RNF20: variants seen among roughly 807,000 people sequenced by gnomAD.
The protein encoded by RNF20 is E3 ubiquitin-protein ligase BRE1A.
A neutral mutation model predicts 126.2 loss-of-function variants in RNF20; 84 were observed. That is an observed-to-expected ratio of 0.67 (90% CI 0.56 to 0.80). The LOEUF (loss-of-function observed/expected upper bound fraction) is 0.80, where lower values mean the gene tolerates loss of function less well. Ranked by LOEUF, RNF20 falls within the 30% of genes least tolerant of loss-of-function variation. RNF20 has a pLI of 0.00. For synonymous variants in RNF20, 400 were observed against 414.3 expected, an observed-to-expected ratio of 0.97 and a Z score of 0.42; for missense variants, 869 against 1,188.2, an observed-to-expected ratio of 0.73 and a Z score of 3.95.
At chr9:101,534,793 T>C (rs1411782154) in intron 1 of RNF20, among the ~76,000 whole-genome samples, 2 of 152,190 alleles carry the variant, frequency 1.3e-5, no homozygotes, top group East Asian at 3.9e-4. Flanking sequence ...GGAAGAGAGA[T>C]TCCAGAACTT....
At chr9:101,540,738 G>A in intron 4 of RNF20, 55 bp from the exon 5 acceptor site, 1 of 1,592,208 alleles carries the variant, frequency 6.3e-7, no homozygotes, top group South Asian at 1.1e-5. Flanking sequence ...AATGGATTTT[G>A]TTATTTCCAG....
At chr9:101,561,808 G>T in intron 18 of RNF20, 102 bp from the exon 19 acceptor site, 1 of 808,276 alleles carries the variant, frequency 1.2e-6, no homozygotes, top group South Asian at 1.4e-5. Flanking sequence ...TAAAAGGATA[G>T]AAAGTCCCCT....
At chr9:101,551,617 A>G (rs1827446498) in intron 10 of RNF20, 67 bp from the exon 11 acceptor site, 2 of 1,386,366 alleles carry the variant, frequency 1.4e-6, no homozygotes, top group Non-Finnish European at 1.9e-6. Context: ...AGAGTAATCC[A>G]TAGAATATGA....
chr9:101,544,704 C>T, intron 5 of RNF20, 63 bp from the exon 6 acceptor site: 1 of 1,041,074 alleles, frequency 9.6e-7, no homozygotes, highest in Non-Finnish European at 1.5e-6. Flanking sequence ...AAGACTCCGT[C>T]TTAAAAAAAA....
intron 10 of RNF20, among the ~76,000 whole-genome samples, chr9:101,551,199 G>C (rs1827438857): frequency 6.6e-6 from 1 of 152,204 alleles, no homozygotes. Flanking sequence ...AAAGGTATGA[G>C]AGAGCATGAG....
At position 101,543,481 on chromosome 9, in the gene RNF20, C is replaced by T. The variant is rs541494750; in HGVS notation, c.629-1286C>T. Reference sequence around the variant, plus strand: ...ACCTGCCAAGGCAGCACTGTCTAACCCTGCCAGGGTGGCACTGTCTAACCC... The same window carrying T: ...ACCTGCCAAGGCAGCACTGTCTAACTCTGCCAGGGTGGCACTGTCTAACCC... On this transcript the variant is annotated intron_variant, in intron 5 of 19. Transcript: ENST00000389120. Among the ~76,000 whole-genome samples the T allele has an allele frequency of 8.8e-5, 12 of 135,834 alleles. No homozygotes were observed. The East Asian group carries it at 2.4e-3, about 28-fold the overall frequency. The allele number at this position is 135,834 out of a possible 152,430, so 89.1% of individuals were successfully genotyped here. A position where few individuals can be genotyped will look rare whatever the true frequency, so the allele number is the denominator to read the frequency against.
intron 15 of RNF20, among the ~76,000 whole-genome samples, chr9:101,556,061 T>C (rs1827527090): frequency 2.0e-5 from 3 of 152,124 alleles, no homozygotes; most frequent in African/African-American, 4.8e-5. Flanking sequence ...ATTATACTAT[T>C]ATAGGTTCTA....
Position 101,540,907 on chromosome 9 carries a change from A to G in RNF20, c.560A>G (p.Gln187Arg). The G allele has an allele frequency of 2.5e-6, 4 of 1,614,042 alleles. No individual in the cohort carries two copies. The highest frequency in any genetic ancestry group is 3.4e-6 in the Non-Finnish European group (4 of 1,180,004). ...RVESSRRAVS[Q>R]IVTVYDKLQE... ...GAGTCTTCCCGCCGAGCCGTGTCCC[A>G]GATTGTGACTGTTTATGATAAATTG... The change falls in exon 5 of 20, where the codon CAG (glutamine) becomes CGG (arginine). Residue 187 changes from glutamine to arginine, a missense_variant. Gln to Arg is a conservative substitution (Grantham distance 43, BLOSUM62 1). Around this residue, in one of 8 missense-constraint regions of RNF20, gnomAD observed 157 missense variants for 236.0 expected, o/e 0.67. Transcript: ENST00000389120.
intron 6 of RNF20, among the ~76,000 whole-genome samples, chr9:101,546,033 G>A (rs1283593039): frequency 6.6e-6 from 1 of 152,136 alleles, no homozygotes; most frequent in Non-Finnish European, 1.5e-5. Context: ...AAGATCACCA[G>A]GTAGAACCTT....
In RNF20 at chr9:101,561,191, T is replaced by C. The variant is rs748842740; in HGVS notation, c.2610T>C (p.Val870=). The change falls in exon 18 of 20, where the codon GTT becomes GTC. Residue 870 remains valine, a synonymous_variant. Transcript: ENST00000389120. Reference sequence around the variant, plus strand: ...AGGATGAGATCGTGGAGAACAGTGTTACCAAAGAAAAGGACATGTTCAATT... The same window carrying C: ...AGGATGAGATCGTGGAGAACAGTGTCACCAAAGAAAAGGACATGTTCAATT... The part of the protein sequence containing the change: ...DFQDEIVENS[V]TKEKDMFNFK... The C allele has an allele frequency of 3.7e-6, 6 of 1,613,870 alleles. No individual in the cohort carries two copies. Among genetic ancestry groups the C allele is most frequent in the Non-Finnish European group, 5.1e-6 (6 of 1,179,810 alleles).
In RNF20 at chr9:101,540,357, G is replaced by A. The variant is rs765010969; in HGVS notation, c.284G>A (p.Arg95Gln). 2.5e-6 allele frequency: 4 copies of A among 1,614,028 alleles called. No individual in the cohort carries two copies. The highest frequency in any genetic ancestry group is 2.2e-5 in the East Asian group (1 of 44,890). Residue 95 changes from arginine to glutamine, a missense_variant, in exon 3 of 20, where the codon CGA becomes CAA. Arg to Gln is a conservative substitution (Grantham distance 43). This residue lies in a region of RNF20 where 157 missense variants were observed against 236.0 expected (regional missense o/e 0.67). Transcript: ENST00000389120. The part of the protein sequence containing the change: ...TDDASLLIVN[R>Q]YWSQFDENIR... ...GATGCCTCACTATTGATTGTCAACC[G>A]ATACTGGAGTCAGGTAGCTAACTTG...
At chr9:101,550,151 A>C (rs953085774) in intron 9 of RNF20, among the ~76,000 whole-genome samples, 2 of 152,236 alleles carry the variant, frequency 1.3e-5, no homozygotes, top group Admixed American at 6.5e-5. Flanking sequence ...AAAAACAAAA[A>C]CAACCTAAGT....
chr9:101,562,687 C>G lies in RNF20; in HGVS notation c.*265C>G, dbSNP rs1456727966. On this transcript the variant is annotated 3_prime_UTR_variant, in exon 20 of 20. Transcript: ENST00000389120. The stretch of plus-strand genomic sequence containing the variant: ...CCCTCCCAGCTTTGTTTATTTTGTG[C>G]TTTTAGACTTTTCAGTGTTTTCTTT... 1.6e-5 allele frequency: 5 copies of G among 316,698 alleles called. No individual in the cohort carries two copies. Among genetic ancestry groups the G allele is most frequent in the Non-Finnish European group, 2.9e-5 (5 of 173,270 alleles). The allele number at this position is 316,698 out of a possible 1,614,324, so 19.6% of individuals were successfully genotyped here.
In RNF20 at chr9:101,552,119, CATT is replaced by C. The variant is rs1554713150; in HGVS notation, c.1409-21_1409-19del. Reference sequence around the variant, plus strand: ...TTGCCCTTACCACGGTTCCTCATAACATTGTTGTTCCTGTATTTAAGGCCCTAT... The same window carrying C: ...TTGCCCTTACCACGGTTCCTCATAACGTTGTTCCTGTATTTAAGGCCCTAT... On this transcript the variant is annotated intron_variant, in intron 11 of 19. Transcript: ENST00000389120. 3 of 1,614,012 alleles carry C rather than the reference CATT, an allele frequency of 1.9e-6. No individual in the cohort carries two copies. Among genetic ancestry groups the C allele is most frequent in the African/African-American group, 1.3e-5 (1 of 75,008 alleles).
chr9:101,559,984 TC>T (rs1827599643), intron 16 of RNF20, among the ~76,000 whole-genome samples: 1 of 152,192 alleles, frequency 6.6e-6, no homozygotes, highest in African/African-American at 2.4e-5. Context: ...GTTCCAGTTC[TC>T]AGGGGGAATG....
At chr9:101,553,524 G>T (rs1827482280) in intron 13 of RNF20, among the ~76,000 whole-genome samples, 1 of 152,120 alleles carries the variant, frequency 6.6e-6, no homozygotes, top group Non-Finnish European at 1.5e-5. Flanking sequence ...AGGATTAACA[G>T]TATATCTCAG....
Position 101,561,105 on chromosome 9 carries a change from C to T in RNF20, c.2524C>T (p.Gln842Ter), listed in dbSNP as rs1310931891. The T allele has an allele frequency of 6.2e-7, 1 of 1,613,740 alleles. No individual in the cohort carries two copies. The highest frequency in any genetic ancestry group is 1.1e-5 in the South Asian group (1 of 91,060). The change falls in exon 18 of 20, where the codon CAG becomes TAG. Residue 842 changes from glutamine to a stop codon, truncating the protein, a stop_gained. Coordinates refer to ENST00000389120, the MANE Select transcript of RNF20 (RefSeq NM_019592.7). LOFTEE classifies it high-confidence loss of function. Reference sequence around the variant, plus strand: ...TCCTACATAGGCAATGGAGGCAGCCCAGCTTGCAGATGACCTCAAAGCACA... The same window carrying T: ...TCCTACATAGGCAATGGAGGCAGCCTAGCTTGCAGATGACCTCAAAGCACA... Reference protein sequence around the residue: ...MNKRKAMEAAQLADDLKAQLE... With the variant: ...MNKRKAMEAA
chr9:101,535,395 C>G lies in RNF20; in HGVS notation c.-26-3C>G. 1 of 1,598,336 alleles carries G rather than the reference C, an allele frequency of 6.3e-7. No homozygotes were observed. Among genetic ancestry groups the G allele is most frequent in the Non-Finnish European group, 8.5e-7 (1 of 1,175,018 alleles). On this transcript the variant is annotated splice_polypyrimidine_tract_variant and splice_region_variant and intron_variant, in intron 1 of 19. Coordinates refer to ENST00000389120, the MANE Select transcript of RNF20 (RefSeq NM_019592.7). ...TGTCAGTTTCTGCCTTTTTTTCTAT[C>G]AGGAAAACGACTGTCTTCTTCTGCC...
intron 5 of RNF20, among the ~76,000 whole-genome samples, chr9:101,541,185 C>G (rs1827254993): frequency 6.6e-6 from 1 of 152,004 alleles, no homozygotes; most frequent in Middle Eastern, 3.4e-3. Context: ...ATCTTTCTGC[C>G]TCAGCTTCCG....
Sources: gnomAD v4.1 joint callset for allele counts (sites outside exome capture counted in the v4.1 genomes callset) on GRCh38, gnomAD v4.1.1 for gene constraint, gnomAD v4.1.1 regional missense constraint, MANE v1.5 for transcripts, NCBI Gene and HGNC (gene_info 2026-07-23, HGNC 2026-07-21) for gene names.